Variants in CCSER2 observed in about 807,000 individuals in gnomAD.
CCSER2 encodes the protein serine-rich coiled-coil domain-containing protein 2.
In CCSER2, 46 loss-of-function variants were observed where a neutral mutation model predicts 92.3. The ratio of observed to expected loss-of-function variants is 0.50; its 90% CI spans 0.39 to 0.64. The LOEUF is 0.64. Among genes scored for constraint, CCSER2 ranks in the 30% least tolerant of loss-of-function variants. CCSER2 has a pLI of 0.00. For synonymous variants in CCSER2, 433 were observed against 431.4 expected, an observed-to-expected ratio of 1.00 and a Z score of -0.04; for missense variants, 1,244 against 1,238.9, an observed-to-expected ratio of 1.00 and a Z score of -0.06.
In CCSER2 at chr10:84,514,017, C is replaced by G. The variant is rs886781875; in HGVS notation, c.2894C>G (p.Ser965Cys). The G allele has an allele frequency of 1.3e-6, 2 of 1,536,670 alleles. No individual in the cohort carries two copies. Among genetic ancestry groups the G allele is most frequent in the South Asian group, 1.2e-5 (1 of 84,062 alleles). Reference sequence around the variant, plus strand: ...AATTCAGCAAAACTTCAGCCAACATCTAGTCAAACAAATCTTGCAAATAAT... The same window carrying G: ...AATTCAGCAAAACTTCAGCCAACATGTAGTCAAACAAATCTTGCAAATAAT... ...TCNSAKLQPT[S>C]SQTNLANNQN... The change falls in exon 10 of 10, where the codon TCT becomes TGT. Residue 965 changes from serine to cysteine, a missense_variant. Ser to Cys is a moderately radical substitution (Grantham distance 112). Coordinates refer to ENST00000372088, the MANE Select transcript of CCSER2 (RefSeq NM_001284240.2).
chr10:84,390,146 C>T (rs1232191338), intron 3 of CCSER2, among the ~76,000 whole-genome samples: 1 of 152,178 alleles, frequency 6.6e-6, no homozygotes, highest in Non-Finnish European at 1.5e-5. Flanking sequence ...TTTTGAAAAC[C>T]GTGAATTCAA....
rs1338244742 is a variant in CCSER2 at position 84,381,664 on chromosome 10, A to C, written c.1614+7849A>C. ...CACGGTGGGCCGGGCGCGGTGGCTCATGCCTGTAATCCCAGCACTTTGGGA... is the reference window on the plus strand; with the variant it reads ...CACGGTGGGCCGGGCGCGGTGGCTCCTGCCTGTAATCCCAGCACTTTGGGA... On this transcript the variant is annotated intron_variant, in intron 3 of 9. Transcript: ENST00000372088. Among the ~76,000 whole-genome samples, 7 of 152,108 alleles carry C rather than the reference A, an allele frequency of 4.6e-5. 1 individual carries two copies. Among genetic ancestry groups the C allele is most frequent in the Admixed American group, 4.6e-4 (7 of 15,278 alleles).
In CCSER2 at chr10:84,513,984, C is replaced by G. The variant is rs1256907023; in HGVS notation, c.2861C>G (p.Thr954Arg). 4.6e-6 allele frequency: 7 copies of G among 1,536,568 alleles called. No individual in the cohort carries two copies. In the Admixed American group the frequency reaches 1.2e-4, roughly 26 times the overall value. ...ACTTGTAAAAAGTCACCAATAATCA[C>G]AACATGTAATTCAGCAAAACTTCAG... ...TPTCKKSPII[T>R]TCNSAKLQPT... Residue 954 changes from threonine (T) to arginine (R), a missense_variant, in exon 10 of 10, where the codon ACA (threonine) becomes AGA (arginine). Thr to Arg is a moderately conservative substitution (Grantham distance 71). Transcript: ENST00000372088.
intron 6 of CCSER2, among the ~76,000 whole-genome samples, chr10:84,450,335 C>T (rs34064397): frequency 0.059 from 9,003 of 152,248 alleles, 373 homozygotes; most frequent in Admixed American, 0.1. Context: ...AAGGACATCA[C>T]ACGTAATAAG....
In CCSER2 at chr10:84,428,832, A is replaced by G. The variant is rs554553619; in HGVS notation, c.1868+2939A>G. Among the ~76,000 whole-genome samples, 375 of 151,990 alleles carry G rather than the reference A, an allele frequency of 2.5e-3. 1 individual carries two copies. Among genetic ancestry groups the G allele is most frequent in the African/African-American group, 8.6e-3 (357 of 41,410 alleles). ...CATGAAAGGGTGTTGGATTTTGTCA[A>G]TTACTTTTTCTGTGTCTATGGAGAT... On this transcript the variant is annotated intron_variant, in intron 5 of 9. Coordinates refer to ENST00000372088, the MANE Select transcript of CCSER2 (RefSeq NM_001284240.2).
At chr10:84,438,340 C>T (rs1353700686) in intron 5 of CCSER2, among the ~76,000 whole-genome samples, 172 bp from the exon 6 acceptor site, 1 of 152,198 alleles carries the variant, frequency 6.6e-6, no homozygotes, top group Non-Finnish European at 1.5e-5. Context: ...TAAACTACAG[C>T]TGATTGCGCC....
At chr10:84,484,723 G>T (rs1041029312) in intron 9 of CCSER2, among the ~76,000 whole-genome samples, 5 of 152,166 alleles carry the variant, frequency 3.3e-5, no homozygotes, top group Non-Finnish European at 4.4e-5. Context: ...TACAGCCTGT[G>T]TTTTGATGAT....
At chr10:84,379,163 T>A (rs1427938694) in intron 3 of CCSER2, among the ~76,000 whole-genome samples, 5 of 152,226 alleles carry the variant, frequency 3.3e-5, no homozygotes, top group Non-Finnish European at 5.9e-5. Flanking sequence ...GATATTGGCA[T>A]ATTAAAATTT....
intron 3 of CCSER2, among the ~76,000 whole-genome samples, chr10:84,386,821 T>C (rs1393075661): frequency 6.6e-6 from 1 of 152,186 alleles, no homozygotes; most frequent in African/African-American, 2.4e-5. Flanking sequence ...ATTCTAAGTA[T>C]AATAAGTCAG....
At chr10:84,409,607 A>G (rs1842547887) in intron 3 of CCSER2, among the ~76,000 whole-genome samples, 1 of 150,466 alleles carries the variant, frequency 6.6e-6, no homozygotes, top group Admixed American at 6.6e-5. Flanking sequence ...GTTAACTTCT[A>G]GTTCTTTAAC....
intron 6 of CCSER2, among the ~76,000 whole-genome samples, chr10:84,442,515 A>T (rs1216413720): frequency 6.6e-6 from 1 of 152,196 alleles, no homozygotes; most frequent in South Asian, 2.1e-4. Context: ...CTCCAGAGGG[A>T]TATGCTCTAA....
At chr10:84,352,354 G>T (rs1034115260) in intron 1 of CCSER2, among the ~76,000 whole-genome samples, 4 of 151,904 alleles carry the variant, frequency 2.6e-5, no homozygotes, top group African/African-American at 9.7e-5. Context: ...TCCTTCTGAG[G>T]CTCAATCTTG....
At chr10:84,457,179 A>G (rs1035921563) in intron 6 of CCSER2, among the ~76,000 whole-genome samples, 1 of 129,914 alleles carries the variant, frequency 7.7e-6, no homozygotes, top group African/African-American at 2.9e-5. Flanking sequence ...GATTGCAGAT[A>G]TTTTCTTCCA....
chr10:84,385,986 A>G (rs1172911480), intron 3 of CCSER2, among the ~76,000 whole-genome samples: 3 of 152,222 alleles, frequency 2.0e-5, no homozygotes, highest in African/African-American at 4.8e-5. Context: ...AAAAAACTCA[A>G]CATCAGTAAT....
Position 84,425,861 on chromosome 10 carries a change from C to G in CCSER2, c.1836C>G (p.His612Gln). ...QEHYHLSHPD[H>Q]YHHHGKSDLS... is the part of the protein sequence containing the mutation. Reference sequence around the variant, plus strand: ...ATTACCACCTCAGCCACCCTGACCACTATCATCACCATGGAAAAAGTGACT... The same window carrying G: ...ATTACCACCTCAGCCACCCTGACCAGTATCATCACCATGGAAAAAGTGACT... The change falls in exon 5 of 10, where the codon CAC (histidine) becomes CAG (glutamine). Residue 612 changes from histidine to glutamine, a missense_variant. Physicochemically the swap from His to Gln is conservative, Grantham distance 24 (BLOSUM62 0). Coordinates refer to ENST00000372088, the MANE Select transcript of CCSER2 (RefSeq NM_001284240.2). 1 of 1,610,238 alleles carries G rather than the reference C, an allele frequency of 6.2e-7. No homozygotes were observed. Among genetic ancestry groups the G allele is most frequent in the Non-Finnish European group, 8.5e-7 (1 of 1,178,014 alleles).
In CCSER2 at chr10:84,451,264, T is replaced by G. The variant is rs573583677; in HGVS notation, c.2064+12557T>G. 2.6e-3 allele frequency among the ~76,000 whole-genome samples: 349 copies of G among 136,398 alleles called. 5 individuals carry two copies. Among genetic ancestry groups the G allele is most frequent in the East Asian group, 3.0e-3 (11 of 3,674 alleles). The allele number at this position is 136,398 out of a possible 152,430, so 89.5% of individuals were successfully genotyped here. A position where few individuals can be genotyped will look rare whatever the true frequency, so the allele number is the denominator to read the frequency against. Reference sequence around the variant, plus strand: ...TTTTTGGTTGGTTGGGTTTTTTTTTTTTGTTTTTTGTTTTTTTTTTTAAAG... The same window carrying G: ...TTTTTGGTTGGTTGGGTTTTTTTTTGTTGTTTTTTGTTTTTTTTTTTAAAG... On this transcript the variant is annotated intron_variant, in intron 6 of 9. Coordinates refer to ENST00000372088, the MANE Select transcript of CCSER2 (RefSeq NM_001284240.2).
intron 8 of CCSER2, among the ~76,000 whole-genome samples, chr10:84,477,148 C>T (rs758013899): frequency 2.0e-5 from 3 of 152,080 alleles, no homozygotes; most frequent in Non-Finnish European, 2.9e-5. Context: ...TATTCTACAT[C>T]CATATACTTA....
intron 1 of CCSER2, among the ~76,000 whole-genome samples, chr10:84,360,642 T>A (rs981991880): frequency 6.6e-6 from 1 of 152,232 alleles, no homozygotes; most frequent in African/African-American, 2.4e-5. Flanking sequence ...GTTAGCCCGC[T>A]CTTGCAGAGT....
intron 9 of CCSER2, chr10:84,499,828 G>T (rs1213629282): frequency 5.0e-6 from 8 of 1,590,230 alleles, no homozygotes; most frequent in African/African-American, 2.7e-5. Context: ...TCTATTTTTT[G>T]GTTCCCTTTT....
Sources: gnomAD v4.1 joint callset for allele counts (sites outside exome capture counted in the v4.1 genomes callset) on GRCh38, gnomAD v4.1.1 for gene constraint, MANE v1.5 for transcripts, NCBI Gene and HGNC (gene_info 2026-07-23, HGNC 2026-07-21) for gene names.